Variants in ARHGEF26 observed in about 807,000 individuals in gnomAD.
The protein encoded by ARHGEF26 is Rho guanine nucleotide exchange factor 26.
Under a neutral mutation model 89.4 loss-of-function variants are expected in ARHGEF26, and 59 were observed. The observed-to-expected ratio is 0.66, with a 90% CI of 0.54 to 0.82. ARHGEF26 has a LOEUF of 0.82. ARHGEF26 is among the 40% of genes least tolerant of loss of function. The pLI, the probability that ARHGEF26 is intolerant of heterozygous loss-of-function variation, is 0.00. For synonymous variants in ARHGEF26, 500 were observed against 428.4 expected, an observed-to-expected ratio of 1.17 and a Z score of -2.06; for missense variants, 1,234 against 1,085.6, an observed-to-expected ratio of 1.14 and a Z score of -1.92.
At chr3:154,160,290 A>G (rs533885944) in intron 6 of ARHGEF26, among the ~76,000 whole-genome samples, 1 of 152,298 alleles carries the variant, frequency 6.6e-6, no homozygotes, top group South Asian at 2.1e-4. Context: ...AGTAAAAGAA[A>G]TAGGTAGTTG....
At chr3:154,211,715 C>G (rs930606534) in intron 9 of ARHGEF26, among the ~76,000 whole-genome samples, 2 of 152,160 alleles carry the variant, frequency 1.3e-5, no homozygotes, top group East Asian at 3.8e-4. Flanking sequence ...GTGGAGTCTT[C>G]TATTCCATTA....
rs1713941910 is a variant in ARHGEF26 at position 154,191,307 on chromosome 3, T to C, written c.1659T>C (p.Phe553=). 8 of 1,612,036 alleles carry C rather than the reference T, an allele frequency of 5.0e-6. No homozygotes were observed. The highest frequency in any genetic ancestry group is 1.3e-5 in the African/African-American group (1 of 74,888). ...LQKLLATNPS[F]KEVLSRIESH... ...CCCTCAGAGCTACCAATCCATCCTT[T>C]AAGGAAGTATTGTCAAGGATTGAGT... Residue 553 remains phenylalanine (F), a synonymous_variant, in exon 8 of 15, where the codon TTT becomes TTC. Transcript: ENST00000465093.
intron 6 of ARHGEF26, among the ~76,000 whole-genome samples, chr3:154,153,303 G>A (rs892043878): frequency 6.6e-6 from 1 of 151,946 alleles, no homozygotes; most frequent in Admixed American, 6.6e-5. Flanking sequence ...ATCTGGCTAC[G>A]ATTTAATAAT....
At chr3:154,210,651 G>A (rs559618192) in intron 9 of ARHGEF26, among the ~76,000 whole-genome samples, 3 of 151,536 alleles carry the variant, frequency 2.0e-5, no homozygotes, top group South Asian at 4.2e-4. Context: ...GTCTACAAAC[G>A]TTGTCTGGGG....
intron 6 of ARHGEF26, among the ~76,000 whole-genome samples, chr3:154,186,719 G>A (rs892265265): frequency 5.3e-5 from 8 of 151,704 alleles, no homozygotes; most frequent in African/African-American, 1.5e-4. Flanking sequence ...GTGAGATAAT[G>A]CCAGTGCACT....
chr3:154,137,733 T>C (rs1054868636), intron 4 of ARHGEF26, among the ~76,000 whole-genome samples: 2 of 151,628 alleles, frequency 1.3e-5, no homozygotes, highest in South Asian at 4.2e-4. Context: ...TCTCAGAACT[T>C]TGGAAGGCTG....
intron 8 of ARHGEF26, among the ~76,000 whole-genome samples, chr3:154,193,677 C>T (rs1337339237): frequency 6.6e-6 from 1 of 152,078 alleles, no homozygotes; most frequent in Non-Finnish European, 1.5e-5. Flanking sequence ...TAAAGTGGTT[C>T]CCTGGGCTTT....
chr3:154,189,462 C>T (rs1159427361), intron 7 of ARHGEF26, among the ~76,000 whole-genome samples: 1 of 151,652 alleles, frequency 6.6e-6, no homozygotes, highest in Admixed American at 6.6e-5. Flanking sequence ...CTCAGCCTCC[C>T]GTGTAGCTGG....
chr3:154,138,730 TCTTA>T (rs1719174393), intron 4 of ARHGEF26, among the ~76,000 whole-genome samples: 1 of 152,192 alleles, frequency 6.6e-6, no homozygotes, highest in Non-Finnish European at 1.5e-5. Flanking sequence ...GAGAGGGTCT[TCTTA>T]CTTCATTGAG....
intron 6 of ARHGEF26, among the ~76,000 whole-genome samples, chr3:154,179,200 A>G (rs933267835): frequency 2.6e-5 from 4 of 152,324 alleles, no homozygotes; most frequent in East Asian, 3.9e-4. Flanking sequence ...ATATGCATGT[A>G]TAATTGTACT....
At chr3:154,230,717 C>T (rs1027633291) in intron 11 of ARHGEF26, among the ~76,000 whole-genome samples, 23 of 152,098 alleles carry the variant, frequency 1.5e-4, no homozygotes, top group African/African-American at 5.3e-4. Flanking sequence ...TTCCTGATTT[C>T]TGGTTCCATA....
At chr3:154,163,910 C>T (rs1388729220) in intron 6 of ARHGEF26, among the ~76,000 whole-genome samples, 1 of 151,926 alleles carries the variant, frequency 6.6e-6, no homozygotes, top group Non-Finnish European at 1.5e-5. Flanking sequence ...TTAACTTTTG[C>T]ATGTATGCTG....
At chr3:154,251,710 G>A (rs1289687510) in intron 12 of ARHGEF26, among the ~76,000 whole-genome samples, 1 of 152,168 alleles carries the variant, frequency 6.6e-6, no homozygotes, top group Admixed American at 6.5e-5. Flanking sequence ...GTGGATATAT[G>A]TTGAGCAAAA....
chr3:154,209,586 T>C (rs1457853669), intron 9 of ARHGEF26, among the ~76,000 whole-genome samples: 1 of 152,224 alleles, frequency 6.6e-6, no homozygotes, highest in Non-Finnish European at 1.5e-5. Flanking sequence ...TTCTCTTCCC[T>C]TACTGTCTCC....
At chr3:154,185,200 A>G (rs1218140990) in intron 6 of ARHGEF26, among the ~76,000 whole-genome samples, 7 of 152,018 alleles carry the variant, frequency 4.6e-5, no homozygotes, top group Admixed American at 2.0e-4. Flanking sequence ...CTAACCCTTG[A>G]GACACCAATT....
chr3:154,144,358 A>C (rs1719573471), intron 4 of ARHGEF26, among the ~76,000 whole-genome samples: 1 of 152,142 alleles, frequency 6.6e-6, no homozygotes, highest in South Asian at 2.1e-4. Flanking sequence ...TCCTCACAGA[A>C]TTGTTACAGG....
chr3:154,127,408 G>A (rs910568885), intron 3 of ARHGEF26, among the ~76,000 whole-genome samples: 9 of 151,680 alleles, frequency 5.9e-5, no homozygotes, highest in Admixed American at 2.0e-4. Context: ...TTCTTTTGTT[G>A]AAACTAAACA....
At chr3:154,220,517 C>G (rs973474903) in intron 10 of ARHGEF26, among the ~76,000 whole-genome samples, 1 of 152,090 alleles carries the variant, frequency 6.6e-6, no homozygotes, top group Non-Finnish European at 1.5e-5. Flanking sequence ...GGCCTTAGAG[C>G]AGAAACAAAT....
intron 6 of ARHGEF26, among the ~76,000 whole-genome samples, chr3:154,153,150 A>G (rs1720126136): frequency 6.6e-6 from 1 of 152,008 alleles, no homozygotes; most frequent in South Asian, 2.1e-4. Flanking sequence ...GTCCTAAGTT[A>G]TGTTATTCCT....
Sources: allele counts gnomAD v4.1 joint callset (sites outside exome capture counted in the v4.1 genomes callset), GRCh38; gene constraint gnomAD v4.1.1; transcripts MANE v1.5; gene names NCBI Gene and HGNC (gene_info 2026-07-23, HGNC 2026-07-21).